KCTD8: variants seen among roughly 807,000 people sequenced by gnomAD.
KCTD8 encodes the protein BTB/POZ domain-containing protein KCTD8.
A neutral mutation model predicts 31.5 loss-of-function variants in KCTD8; 27 were observed. That is an observed-to-expected ratio of 0.86 (90% CI 0.63 to 1.18). The LOEUF is 1.18. KCTD8 is among the 50% of genes most tolerant of loss of function. The pLI, the probability that KCTD8 is intolerant of heterozygous loss-of-function variation, is 0.00. For missense variants in KCTD8, 658 were observed against 647.7 expected (o/e 1.02, Z -0.17); for synonymous variants, 290 against 280.0 (o/e 1.04, Z -0.36).
chr4:44,266,224 GT>G (rs1716354273), intron 1 of KCTD8, among the ~76,000 whole-genome samples: 1 of 152,168 alleles, frequency 6.6e-6, no homozygotes, highest in African/African-American at 2.4e-5. Flanking sequence ...CCAGAAGAGA[GT>G]GGGGGCCAAT....
intron 1 of KCTD8, among the ~76,000 whole-genome samples, chr4:44,332,640 A>G (rs1718618115): frequency 6.6e-6 from 1 of 151,992 alleles, no homozygotes; most frequent in Non-Finnish European, 1.5e-5. Context: ...CCAGTAATAC[A>G]GTAGGCAAGA....
At chr4:44,209,626 T>A (rs1714421811) in intron 1 of KCTD8, among the ~76,000 whole-genome samples, 1 of 152,022 alleles carries the variant, frequency 6.6e-6, no homozygotes, top group Non-Finnish European at 1.5e-5. Context: ...GATATAGACA[T>A]ACCAGCATTC....
At chr4:44,216,913 G>A (rs1268187403) in intron 1 of KCTD8, among the ~76,000 whole-genome samples, 1 of 152,068 alleles carries the variant, frequency 6.6e-6, no homozygotes, top group African/African-American at 2.4e-5. Context: ...TGTCAAAGGA[G>A]ATGCATCTTT....
rs59602420 is a variant in KCTD8 at position 44,401,011 on chromosome 4, C to CTTTTTT, written c.961+46546_961+46551dup. Among the ~76,000 whole-genome samples the CTTTTTT allele has an allele frequency of 3.3e-3, 318 of 95,918 alleles. 1 individual carries two copies. Among genetic ancestry groups the CTTTTTT allele is most frequent in the African/African-American group, 5.6e-3 (140 of 25,062 alleles). 62.9% of individuals were successfully genotyped at this position (95,918 alleles called of 152,430 possible). A position where few individuals can be genotyped will look rare whatever the true frequency, so the allele number is the denominator to read the frequency against. On this transcript the variant is annotated intron_variant, in intron 1 of 1. Coordinates refer to ENST00000360029, the MANE Select transcript of KCTD8 (RefSeq NM_198353.3). ...ACTACCATGATGGCTAATTTTCTTT[C>CTTTTTT]TTTTTTTTTTTTTTTTTTTTTTGTA...
At chr4:44,388,169 C>T (rs61379624) in intron 1 of KCTD8, among the ~76,000 whole-genome samples, 19,335 of 151,816 alleles carry the variant, frequency 0.13, 1,543 homozygotes, top group African/African-American at 0.23. Flanking sequence ...CCATCTAACA[C>T]GAGTCAGAAT....
intron 1 of KCTD8, among the ~76,000 whole-genome samples, chr4:44,358,760 G>A (rs1719417669): frequency 6.6e-6 from 1 of 151,882 alleles, no homozygotes. Flanking sequence ...TAGCAGAGAC[G>A]GGGTTTCACC....
intron 1 of KCTD8, among the ~76,000 whole-genome samples, chr4:44,220,343 A>G (rs536584566): frequency 6.6e-6 from 1 of 152,354 alleles, no homozygotes; most frequent in African/African-American, 2.4e-5. Flanking sequence ...TAAAAAAGGA[A>G]TTGATAAATC....
chr4:44,186,142 G>A (rs1041892123), intron 1 of KCTD8, among the ~76,000 whole-genome samples: 1 of 152,168 alleles, frequency 6.6e-6, no homozygotes, highest in African/African-American at 2.4e-5. Context: ...GCTGGACATC[G>A]AGAAGAACAC....
chr4:44,298,639 AT>A (rs1169919839), intron 1 of KCTD8, among the ~76,000 whole-genome samples: 1 of 152,170 alleles, frequency 6.6e-6, no homozygotes, highest in Non-Finnish European at 1.5e-5. Flanking sequence ...TACAGTCTCA[AT>A]ATGAAACACA....
At chr4:44,262,365 T>C (rs895837772) in intron 1 of KCTD8, among the ~76,000 whole-genome samples, 15 of 151,914 alleles carry the variant, frequency 9.9e-5, no homozygotes, top group Non-Finnish European at 4.4e-5. Context: ...ACTCTCTCCA[T>C]GGTAATGATC....
At chr4:44,359,639 T>G (rs1024968432) in intron 1 of KCTD8, among the ~76,000 whole-genome samples, 6 of 152,126 alleles carry the variant, frequency 3.9e-5, no homozygotes, top group Non-Finnish European at 1.5e-5. Flanking sequence ...ATTATTTAAC[T>G]CTCTTCTTTT....
rs1027355019 is a variant in KCTD8 at position 44,325,487 on chromosome 4, A to G, written c.961+122076T>C. On this transcript the variant is annotated intron_variant, in intron 1 of 1. Coordinates refer to ENST00000360029, the MANE Select transcript of KCTD8 (RefSeq NM_198353.3). ...ATAGGCATATGAAATTTTAAAATTA[A>G]GCGTGTAACTGGATTGTTTGTAACT... is the stretch of plus-strand genomic sequence containing the variant. 7.9e-5 allele frequency among the ~76,000 whole-genome samples: 12 copies of G among 151,902 alleles called. 1 individual carries two copies. Among genetic ancestry groups the G allele is most frequent in the African/African-American group, 2.9e-4 (12 of 41,258 alleles).
chr4:44,424,784 AC>A (rs1461729414), intron 1 of KCTD8, among the ~76,000 whole-genome samples: 2 of 152,046 alleles, frequency 1.3e-5, no homozygotes, highest in Non-Finnish European at 2.9e-5. Context: ...GAAAATATCT[AC>A]CAGGAACATT....
rs143271699 is a variant in KCTD8, at chr4:44,215,145, G to A, written c.962-39895C>T. Among the ~76,000 whole-genome samples the A allele has an allele frequency of 7.0e-3, 1,066 of 152,160 alleles. 18 individuals carry two copies. Among genetic ancestry groups the A allele is most frequent in the African/African-American group, 0.024 (1,001 of 41,520 alleles). On this transcript the variant is annotated intron_variant, in intron 1 of 1. Transcript: ENST00000360029. ...TATCTTTTAAAACCTCCATCCCTGA[G>A]TTTTCAGGGAGACTGATTTGAGCAA...
At chr4:44,263,574 G>C (rs1716245829) in intron 1 of KCTD8, among the ~76,000 whole-genome samples, 1 of 152,008 alleles carries the variant, frequency 6.6e-6, no homozygotes, top group South Asian at 2.1e-4. Context: ...AAGAGTAGAA[G>C]GGAAATAAAT....
chr4:44,367,490 T>TTA (rs1267832898), intron 1 of KCTD8, among the ~76,000 whole-genome samples: 1 of 152,092 alleles, frequency 6.6e-6, no homozygotes, highest in African/African-American at 2.4e-5. Context: ...CAACAAGAAA[T>TTA]TATATATATA....
At chr4:44,291,864 T>C (rs1470917849) in intron 1 of KCTD8, among the ~76,000 whole-genome samples, 1 of 147,122 alleles carries the variant, frequency 6.8e-6, no homozygotes, top group Non-Finnish European at 1.5e-5. Context: ...GGCCAACAAA[T>C]GTATGAAAAA....
chr4:44,426,669 G>T (rs563300031), intron 1 of KCTD8, among the ~76,000 whole-genome samples: 1 of 151,624 alleles, frequency 6.6e-6, no homozygotes, highest in Non-Finnish European at 1.5e-5. Flanking sequence ...AATTAAAAAC[G>T]AATATATTTA....
intron 1 of KCTD8, among the ~76,000 whole-genome samples, chr4:44,178,143 T>G (rs1040799133): frequency 1.3e-5 from 2 of 152,220 alleles, no homozygotes; most frequent in Non-Finnish European, 2.9e-5. Context: ...CTCTAAGCAT[T>G]AACTTGCTCA....
Sources: gnomAD v4.1 joint callset for allele counts (sites outside exome capture counted in the v4.1 genomes callset) on GRCh38, gnomAD v4.1.1 for gene constraint, MANE v1.5 for transcripts, NCBI Gene and HGNC (gene_info 2026-07-23, HGNC 2026-07-21) for gene names.